The following HCN1 variants were observed in gnomAD, a reference collection of about 807,000 sequenced individuals.
The protein encoded by HCN1 is potassium/sodium hyperpolarization-activated cyclic nucleotide-gated channel 1.
HCN1 carries 13 observed loss-of-function variants against 78.9 expected under a neutral mutation model. That is an observed-to-expected ratio of 0.16 (90% confidence interval 0.11 to 0.26). The LOEUF is 0.26. Among genes scored for constraint, HCN1 ranks in the 10% least tolerant of loss-of-function variants. The pLI is 1.00. For missense variants in HCN1, 810 were observed against 1,154.3 expected (o/e 0.70, Z 4.32); for synonymous variants, 552 against 455.5 (o/e 1.21, Z -2.70).
intron 5 of HCN1, among the ~76,000 whole-genome samples, chr5:45,349,117 T>A (rs1746825554): frequency 6.6e-6 from 1 of 152,124 alleles, no homozygotes; most frequent in Non-Finnish European, 1.5e-5. Flanking sequence ...GACCACATAC[T>A]TGGAAGTAAA....
chr5:45,372,803 T>G (rs1450722348), intron 4 of HCN1, among the ~76,000 whole-genome samples: 1 of 141,458 alleles, frequency 7.1e-6, no homozygotes, highest in African/African-American at 2.6e-5. Context: ...ATTTACGTAT[T>G]CTATACACAA....
chr5:45,683,882 G>A lies in HCN1; in HGVS notation c.425+11787C>T, dbSNP rs191091419. On this transcript the variant is annotated intron_variant, in intron 1 of 7. Coordinates refer to ENST00000303230, the MANE Select transcript of HCN1 (RefSeq NM_021072.4). ...GACGGGGTCTCGCCATGTTGCCCAG[G>A]CTGGTCTGAAACTCCTGAGCTCAAG... Among the ~76,000 whole-genome samples, 6 of 151,986 alleles carry A rather than the reference G, an allele frequency of 3.9e-5. No individual in the cohort carries two copies. The East Asian group carries it at 1.2e-3, about 30-fold the overall frequency.
chr5:45,300,620 C>A (rs557622055), intron 6 of HCN1, among the ~76,000 whole-genome samples: 1 of 152,062 alleles, frequency 6.6e-6, no homozygotes, highest in Non-Finnish European at 1.5e-5. Context: ...GTTAAGGCTT[C>A]CAGCCAACAG....
At chr5:45,541,453 A>G (rs1165804804) in intron 2 of HCN1, among the ~76,000 whole-genome samples, 1 of 152,162 alleles carries the variant, frequency 6.6e-6, no homozygotes, top group African/African-American at 2.4e-5. Flanking sequence ...TCCCTTCCTT[A>G]AAGATGCCTT....
chr5:45,483,099 A>C (rs945721566), intron 2 of HCN1, among the ~76,000 whole-genome samples: 1 of 152,172 alleles, frequency 6.6e-6, no homozygotes, highest in African/African-American at 2.4e-5. Flanking sequence ...TGGTACAATA[A>C]TTTATTTTCT....
Position 45,398,725 on chromosome 5 carries a change from CAAAG to C in HCN1, c.1012-2019_1012-2016del, listed in dbSNP as rs370560018. 3.2e-3 allele frequency among the ~76,000 whole-genome samples: 489 copies of C among 152,184 alleles called. 2 individuals carry two copies. Among genetic ancestry groups the C allele is most frequent in the African/African-American group, 0.011 (465 of 41,528 alleles). ...TATTGTATTGCTATATTTTTAGTTA[CAAAG>C]AAAGTTTAATTTAAAAATTATCTTC... is the stretch of plus-strand genomic sequence containing the variant. On this transcript the variant is annotated intron_variant, in intron 3 of 7. Coordinates refer to ENST00000303230, the MANE Select transcript of HCN1 (RefSeq NM_021072.4).
chr5:45,442,527 A>G (rs1240806261), intron 3 of HCN1, among the ~76,000 whole-genome samples: 25 of 151,134 alleles, frequency 1.7e-4, no homozygotes, highest in Non-Finnish European at 7.4e-5. Context: ...AAATAATATA[A>G]AACGTGCATA....
chr5:45,432,156 T>C (rs928855541), intron 3 of HCN1, among the ~76,000 whole-genome samples: 2 of 152,156 alleles, frequency 1.3e-5, no homozygotes, highest in African/African-American at 4.8e-5. Context: ...ACCTCCCTAG[T>C]TTGCTGTATT....
chr5:45,673,568 G>C (rs1164893589), intron 1 of HCN1, among the ~76,000 whole-genome samples: 3 of 151,176 alleles, frequency 2.0e-5, no homozygotes, highest in African/African-American at 7.3e-5. Context: ...TTCCATCTTT[G>C]GCCACTAGAA....
intron 2 of HCN1, among the ~76,000 whole-genome samples, chr5:45,637,238 A>G (rs1176725652): frequency 2.0e-5 from 3 of 152,198 alleles, no homozygotes; most frequent in East Asian, 1.9e-4. Flanking sequence ...TCTACTCCCT[A>G]CCACACACTC....
At chr5:45,502,190 G>C (rs145853513) in intron 2 of HCN1, among the ~76,000 whole-genome samples, 1 of 151,878 alleles carries the variant, frequency 6.6e-6, no homozygotes, top group Non-Finnish European at 1.5e-5. Flanking sequence ...AAATGAAGCC[G>C]GGTGTCGTGG....
intron 5 of HCN1, among the ~76,000 whole-genome samples, chr5:45,347,519 G>T (rs1746772636): frequency 6.6e-6 from 1 of 152,248 alleles, no homozygotes; most frequent in South Asian, 2.1e-4. Context: ...GATGGAGAAT[G>T]ACTTTGATGA....
intron 2 of HCN1, among the ~76,000 whole-genome samples, chr5:45,610,647 T>C (rs1744815104): frequency 6.6e-6 from 1 of 150,892 alleles, no homozygotes; most frequent in South Asian, 2.1e-4. Flanking sequence ...TTTAATGATA[T>C]AATTTTTATT....
At position 45,450,201 on chromosome 5, in the gene HCN1, A is replaced by G. The variant is rs148178847; in HGVS notation, c.1011+11645T>C. The stretch of plus-strand genomic sequence containing the variant: ...GAGAGGTTTTGATAAGCTTCATATT[A>G]TTTCTGTTTATTTCAGTAGCTAACT... On this transcript the variant is annotated intron_variant, in intron 3 of 7. Transcript: ENST00000303230. Among the ~76,000 whole-genome samples the G allele has an allele frequency of 1.6e-4, 25 of 152,290 alleles. No homozygotes were observed. In the East Asian group the frequency reaches 4.8e-3, roughly 29 times the overall value.
chr5:45,266,225 A>G (rs1744853277), intron 7 of HCN1, among the ~76,000 whole-genome samples: 1 of 152,196 alleles, frequency 6.6e-6, no homozygotes, highest in Non-Finnish European at 1.5e-5. Flanking sequence ...TTTATTTGGT[A>G]GCAGAAAAGA....
intron 1 of HCN1, among the ~76,000 whole-genome samples, chr5:45,646,862 T>C (rs1289777807): frequency 6.6e-6 from 1 of 152,140 alleles, no homozygotes; most frequent in African/African-American, 2.4e-5. Flanking sequence ...ATCCTAGTCA[T>C]AGGTATGTTA....
At chr5:45,311,632 G>A (rs1272295015) in intron 5 of HCN1, among the ~76,000 whole-genome samples, 1 of 152,148 alleles carries the variant, frequency 6.6e-6, no homozygotes, top group African/African-American at 2.4e-5. Flanking sequence ...TATGATCCAT[G>A]GAGGATATGT....
chr5:45,337,618 G>A (rs1003992958), intron 5 of HCN1, among the ~76,000 whole-genome samples: 1 of 152,080 alleles, frequency 6.6e-6, no homozygotes, highest in Admixed American at 6.6e-5. Flanking sequence ...AGTCATAGAG[G>A]AAGTTAAGAA....
At chr5:45,434,780 G>T (rs186908424) in intron 3 of HCN1, among the ~76,000 whole-genome samples, 46 of 152,192 alleles carry the variant, frequency 3.0e-4, no homozygotes, top group Non-Finnish European at 4.9e-4. Flanking sequence ...TTACAACAAT[G>T]CAAGGAGTAT....
Sources: allele counts gnomAD v4.1 joint callset (sites outside exome capture counted in the v4.1 genomes callset), GRCh38; gene constraint gnomAD v4.1.1; transcripts MANE v1.5; gene names NCBI Gene and HGNC (gene_info 2026-07-23, HGNC 2026-07-21).